Variants in HHIP observed in about 807,000 individuals in gnomAD.
HHIP encodes the protein hedgehog interacting protein.
In HHIP, 12 loss-of-function variants were observed where a neutral mutation model predicts 74.0. That is an observed-to-expected ratio of 0.16 (90% CI 0.10 to 0.26). The LOEUF is 0.26. Among genes scored for constraint, HHIP ranks in the 10% least tolerant of loss-of-function variants. The pLI is 1.00. For synonymous variants in HHIP, 309 were observed against 311.6 expected (o/e 0.99, Z 0.09); for missense variants, 788 against 845.0 (o/e 0.93, Z 0.84).
intron 1 of HHIP, among the ~76,000 whole-genome samples, chr4:144,649,084 T>C (rs1560691374): frequency 6.6e-6 from 1 of 152,204 alleles, no homozygotes; most frequent in African/African-American, 2.4e-5. Context: ...GTTTTAATAG[T>C]TTTTAAAACA....
intron 11 of HHIP, among the ~76,000 whole-genome samples, chr4:144,730,911 T>G (rs1730937878): frequency 6.6e-6 from 1 of 152,190 alleles, no homozygotes; most frequent in South Asian, 2.1e-4. Flanking sequence ...TGAATTTTAA[T>G]GTGTTGACTT....
At chr4:144,690,916 T>C (rs1729641808) in intron 4 of HHIP, among the ~76,000 whole-genome samples, 1 of 152,166 alleles carries the variant, frequency 6.6e-6, no homozygotes, top group South Asian at 2.1e-4. Context: ...TTTAGATTTA[T>C]ATCAGGCAAT....
In HHIP at chr4:144,737,957, G is replaced by T; in HGVS notation, c.2103G>T (p.Ter701TyrextTer20). The T allele has an allele frequency of 6.3e-7, 1 of 1,586,458 alleles. No homozygotes were observed. Among genetic ancestry groups the T allele is most frequent in the Non-Finnish European group, 8.6e-7 (1 of 1,166,932 alleles). ...TGGATCTAACAAGTTACATTGTATA[G>T]TTTCTGGGACTGTTTGAATATTCTA... ...YLLDLTSYIV[*>Y] Residue 701 changes from the stop codon to tyrosine (Y), a stop_lost, in exon 13 of 13, where the codon TAG becomes TAT. Coordinates refer to ENST00000296575, the MANE Select transcript of HHIP (RefSeq NM_022475.3).
At chr4:144,709,043 G>C (rs2126656998) in intron 7 of HHIP, among the ~76,000 whole-genome samples, 1 of 152,248 alleles carries the variant, frequency 6.6e-6, no homozygotes, top group South Asian at 2.1e-4. Context: ...AGTAACGAAA[G>C]CTTCATCCAG....
chr4:144,708,230 C>T lies in HHIP; in HGVS notation c.1220C>T (p.Ser407Phe), dbSNP rs202180617. Residue 407 changes from serine (S) to phenylalanine (F), a missense_variant, in exon 7 of 13, where the codon TCC (serine) becomes TTC (phenylalanine). Transcript: ENST00000296575. ...ACAGACATGTGCAACGTGCCTTATT[C>T]CATACCAAGGAGCAACCCACACTTC... Reference protein sequence around the residue: ...VDTDMCNVPYSIPRSNPHFNS... With the variant: ...VDTDMCNVPYFIPRSNPHFNS... The T allele has an allele frequency of 1.2e-6, 2 of 1,614,104 alleles. No homozygotes were observed. Among genetic ancestry groups the T allele is most frequent in the Non-Finnish European group, 1.7e-6 (2 of 1,179,984 alleles).
At chr4:144,731,567 C>T (rs1040844483) in intron 11 of HHIP, among the ~76,000 whole-genome samples, 1 of 151,890 alleles carries the variant, frequency 6.6e-6, no homozygotes, top group Non-Finnish European at 1.5e-5. Flanking sequence ...TTACAGACAC[C>T]CAGGACGACA....
intron 1 of HHIP, chr4:144,648,732 T>C (rs1321529580): frequency 6.6e-6 from 1 of 152,178 alleles, no homozygotes; most frequent in African/African-American, 2.4e-5. Flanking sequence ...ACATGTGGAA[T>C]GAAAATTTTG....
At chr4:144,661,159 C>G (rs1728703468) in intron 4 of HHIP, 1 of 152,050 alleles carries the variant, frequency 6.6e-6, no homozygotes, top group Non-Finnish European at 1.5e-5. Context: ...CTTCAGCATC[C>G]CTATTTCAAT....
intron 4 of HHIP, among the ~76,000 whole-genome samples, chr4:144,682,446 C>G (rs1162536409): frequency 3.3e-5 from 5 of 152,168 alleles, no homozygotes. Context: ...CACCAAATAT[C>G]AAAGTAAAAG....
rs1293416700 is a variant in HHIP at position 144,735,780 on chromosome 4, TTATAAC to T, written c.1909+899_1909+904del. Among the ~76,000 whole-genome samples the T allele has an allele frequency of 3.3e-5, 5 of 152,178 alleles. No homozygotes were observed. The South Asian group carries it at 1.0e-3, about 31-fold the overall frequency. Reference sequence around the variant, plus strand: ...TGTCCTCAAGATGTATTTCAAAAAATTATAACTATAACTTGTCTATTTTTATATTGC... The same window carrying T: ...TGTCCTCAAGATGTATTTCAAAAAATTATAACTTGTCTATTTTTATATTGC... On this transcript the variant is annotated intron_variant, in intron 12 of 12. Coordinates refer to ENST00000296575, the MANE Select transcript of HHIP (RefSeq NM_022475.3).
At chr4:144,717,175 C>A (rs576297157) in intron 10 of HHIP, among the ~76,000 whole-genome samples, 1 of 152,076 alleles carries the variant, frequency 6.6e-6, no homozygotes, top group Non-Finnish European at 1.5e-5. Flanking sequence ...ATGTGAAACT[C>A]GCTAGCTTTA....
chr4:144,659,733 C>T lies in HHIP; in HGVS notation c.726C>T (p.Leu242=), dbSNP rs1478553926. Reference sequence around the variant, plus strand: ...ATAGTGGGGATGGCTCGCAACGTCTCTTCATTCTGGAAAAAGAAGGTTATG... The same window carrying T: ...ATAGTGGGGATGGCTCGCAACGTCTTTTCATTCTGGAAAAAGAAGGTTATG... ...ALHSGDGSQR[L]FILEKEGYVK... Residue 242 remains leucine (L), a synonymous_variant, in exon 4 of 13, where the codon CTC becomes CTT. Transcript: ENST00000296575. 6.2e-7 allele frequency: 1 copy of T among 1,611,664 alleles called. No homozygotes were observed. The highest frequency in any genetic ancestry group is 2.2e-5 in the East Asian group (1 of 44,836).
At chr4:144,678,025 A>C (rs1333074313) in intron 4 of HHIP, among the ~76,000 whole-genome samples, 1 of 152,208 alleles carries the variant, frequency 6.6e-6, no homozygotes, top group Non-Finnish European at 1.5e-5. Flanking sequence ...AAGTTGCAGA[A>C]AATGGCTCAT....
chr4:144,706,766 G>A, intron 5 of HHIP, 84 bp downstream of exon 5: 2 of 1,276,108 alleles, frequency 1.6e-6, no homozygotes, highest in Non-Finnish European at 2.2e-6. Context: ...TTTAGAAGTT[G>A]CAAATAAGTA....
chr4:144,672,403 A>T (rs1729061715), intron 4 of HHIP, among the ~76,000 whole-genome samples: 1 of 152,178 alleles, frequency 6.6e-6, no homozygotes, highest in Non-Finnish European at 1.5e-5. Context: ...AGGGAAGCAA[A>T]TTTTCAAACC....
intron 8 of HHIP, among the ~76,000 whole-genome samples, chr4:144,713,076 C>T (rs1337172626): frequency 6.6e-6 from 1 of 151,972 alleles, no homozygotes; most frequent in Non-Finnish European, 1.5e-5. Flanking sequence ...ATATTAACAG[C>T]ACTACATTTA....
chr4:144,742,146 T>C lies in HHIP; in HGVS notation c.*4189T>C, dbSNP rs1731276467. On this transcript the variant is annotated 3_prime_UTR_variant, in exon 13 of 13. Transcript: ENST00000296575. ...CCTCTCCTACATTTTCTATTGGTTTTGCCTAAATAGACATGTTCTCAATAC... is the reference window on the plus strand; with the variant it reads ...CCTCTCCTACATTTTCTATTGGTTTCGCCTAAATAGACATGTTCTCAATAC... The C allele has an allele frequency of 6.6e-6, 1 of 152,170 alleles. No individual in the cohort carries two copies. The highest frequency in any genetic ancestry group is 1.5e-5 in the Non-Finnish European group (1 of 68,034). The allele number at this position is 152,170 out of a possible 1,614,324, so 9.4% of individuals were successfully genotyped here. A position where few individuals can be genotyped will look rare whatever the true frequency, so the allele number is the denominator to read the frequency against.
chr4:144,681,421 C>CTTTT (rs139951678), intron 4 of HHIP, among the ~76,000 whole-genome samples: 16 of 101,418 alleles, frequency 1.6e-4, no homozygotes, highest in East Asian at 5.8e-4. Context: ...TTGCAGAGTT[C>CTTTT]TTTTTTTTTT....
rs1450539576 is a variant in HHIP, at chr4:144,742,081, A to T, written c.*4124A>T. 1 of 151,694 alleles carries T rather than the reference A, an allele frequency of 6.6e-6. No individual in the cohort carries two copies. 9.4% of individuals were successfully genotyped at this position (151,694 alleles called of 1,614,324 possible). On this transcript the variant is annotated 3_prime_UTR_variant, in exon 13 of 13. Transcript: ENST00000296575. Reference sequence around the variant, plus strand: ...TATATACACACACACACACACATACATACATACATACATATATTCTTTTTC... The same window carrying T: ...TATATACACACACACACACACATACTTACATACATACATATATTCTTTTTC...
Sources: gnomAD v4.1 joint callset for allele counts (sites outside exome capture counted in the v4.1 genomes callset) on GRCh38, gnomAD v4.1.1 for gene constraint, MANE v1.5 for transcripts, NCBI Gene and HGNC (gene_info 2026-07-23, HGNC 2026-07-21) for gene names.